Variants in UNC5C observed in about 807,000 individuals in gnomAD.
The protein encoded by UNC5C is unc-5 netrin receptor C.
A neutral mutation model predicts 99.8 loss-of-function variants in UNC5C; 47 were observed. That is an observed-to-expected ratio of 0.47 (90% CI 0.37 to 0.60). UNC5C has a LOEUF of 0.60. Among genes scored for constraint, UNC5C ranks in the 20% least tolerant of loss-of-function variants. The pLI is 0.00. For synonymous variants in UNC5C, 487 were observed against 452.2 expected, an observed-to-expected ratio of 1.08 and a Z score of -0.98; for missense variants, 1,062 against 1,165.9, an observed-to-expected ratio of 0.91 and a Z score of 1.30.
intron 1 of UNC5C, among the ~76,000 whole-genome samples, chr4:95,398,044 C>CTTTTTTTTTT (rs34609153): frequency 0.013 from 1,277 of 95,652 alleles, 119 homozygotes; most frequent in African/African-American, 0.053. Flanking sequence ...CCAAATGTAG[C>CTTTTTTTTTT]TTTTTTTTTT....
intron 1 of UNC5C, among the ~76,000 whole-genome samples, chr4:95,426,020 C>G (rs1449508636): frequency 2.0e-5 from 3 of 152,120 alleles, no homozygotes; most frequent in Non-Finnish European, 4.4e-5. Context: ...TAGAAATAGG[C>G]ATACTTGATT....
At chr4:95,392,012 G>C (rs1046790147) in intron 1 of UNC5C, among the ~76,000 whole-genome samples, 1 of 152,114 alleles carries the variant, frequency 6.6e-6, no homozygotes, top group Non-Finnish European at 1.5e-5. Context: ...AGCTGTGTTC[G>C]TGCCATTGCA....
chr4:95,163,041 A>G lies in UNC5C; in HGVS notation c.*6193T>C, dbSNP rs1055468012. The G allele has an allele frequency of 6.6e-6, 1 of 152,228 alleles. No homozygotes were observed. The highest frequency in any genetic ancestry group is 1.5e-5 in the Non-Finnish European group (1 of 68,048). 9.4% of individuals were successfully genotyped at this position (152,228 alleles called of 1,614,324 possible). On this transcript the variant is annotated 3_prime_UTR_variant, in exon 16 of 16. Coordinates refer to ENST00000453304, the MANE Select transcript of UNC5C (RefSeq NM_003728.4). ...CAGCTCAACATTAAACTCAACACAT[A>G]TAACACCATGACATCACACACACAC...
intron 2 of UNC5C, among the ~76,000 whole-genome samples, chr4:95,327,225 A>G (rs1033310989): frequency 5.9e-5 from 9 of 152,282 alleles, no homozygotes; most frequent in South Asian, 2.1e-4. Context: ...CTTTATTTCA[A>G]TTGCATTCAC....
At chr4:95,178,641 A>G (rs1736471123) in intron 14 of UNC5C, among the ~76,000 whole-genome samples, 1 of 152,226 alleles carries the variant, frequency 6.6e-6, no homozygotes, top group African/African-American at 2.4e-5. Context: ...CCCATAGACT[A>G]GGGTGTTGAG....
chr4:95,375,230 A>G (rs1287313993), intron 1 of UNC5C, among the ~76,000 whole-genome samples: 2 of 152,166 alleles, frequency 1.3e-5, no homozygotes, highest in Non-Finnish European at 2.9e-5. Flanking sequence ...CAGAATCACC[A>G]TAAAAATGAA....
At chr4:95,197,300 CTGGGCTTCT>C (rs1270300559) in intron 12 of UNC5C, among the ~76,000 whole-genome samples, 1 of 151,772 alleles carries the variant, frequency 6.6e-6, no homozygotes, top group Non-Finnish European at 1.5e-5. Flanking sequence ...AAGTACTCCA[CTGGGCTTCT>C]ATCTCTGCCC....
chr4:95,440,738 A>G (rs1746926918), intron 1 of UNC5C, among the ~76,000 whole-genome samples: 2 of 152,322 alleles, frequency 1.3e-5, no homozygotes, highest in South Asian at 4.1e-4. Flanking sequence ...CTTGAATAAC[A>G]TTTGGCCATG....
chr4:95,370,726 G>A (rs2149438541), intron 1 of UNC5C, among the ~76,000 whole-genome samples: 1 of 152,326 alleles, frequency 6.6e-6, no homozygotes, highest in Admixed American at 6.5e-5. Flanking sequence ...CATTGTGGGT[G>A]ACTCCATGTA....
Position 95,512,081 on chromosome 4 carries a change from G to A in UNC5C, c.124+36653C>T, listed in dbSNP as rs150678486. Among the ~76,000 whole-genome samples the A allele has an allele frequency of 4.7e-3, 709 of 152,210 alleles. 8 individuals carry two copies. The highest frequency in any genetic ancestry group is 0.016 in the African/African-American group (657 of 41,552). On this transcript the variant is annotated intron_variant, in intron 1 of 15. Transcript: ENST00000453304. ...ATATGGAAATGAAAATGGGTCTGGA[G>A]AAGGAGGCAGGAGGCAGGAGCGAGA...
intron 1 of UNC5C, among the ~76,000 whole-genome samples, chr4:95,534,939 T>A (rs1301593311): frequency 6.6e-6 from 1 of 152,166 alleles, no homozygotes; most frequent in African/African-American, 2.4e-5. Flanking sequence ...GTTAATTGTT[T>A]CTGTTCCTTT....
At chr4:95,186,983 C>T (rs1379335159) in intron 12 of UNC5C, among the ~76,000 whole-genome samples, 14 of 152,068 alleles carry the variant, frequency 9.2e-5, no homozygotes. Flanking sequence ...TGGCACACCC[C>T]ACTCCATGAC....
At position 95,456,116 on chromosome 4, in the gene UNC5C, G is replaced by T. The variant is rs371430538; in HGVS notation, c.124+92618C>A. On this transcript the variant is annotated intron_variant, in intron 1 of 15. Transcript: ENST00000453304. ...TATTGCTGAGTGGCTGCATGTAAAG[G>T]TACTCCCCTCAATTGTATCTTTCGT... Among the ~76,000 whole-genome samples, 24 of 152,004 alleles carry T rather than the reference G, an allele frequency of 1.6e-4. No individual in the cohort carries two copies. The Middle Eastern group carries it at 0.01, about 65-fold the overall frequency.
intron 8 of UNC5C, among the ~76,000 whole-genome samples, chr4:95,219,725 A>G (rs1738396486): frequency 6.6e-6 from 1 of 152,238 alleles, no homozygotes; most frequent in Non-Finnish European, 1.5e-5. Context: ...TCAAGAAATC[A>G]GTCAACCAAT....
chr4:95,364,060 T>A (rs966772262), intron 1 of UNC5C, among the ~76,000 whole-genome samples: 16 of 152,200 alleles, frequency 1.1e-4, no homozygotes, highest in Non-Finnish European at 2.1e-4. Context: ...AAATGACCCA[T>A]CTCAATGACT....
chr4:95,376,326 C>T (rs796105424), intron 1 of UNC5C, among the ~76,000 whole-genome samples: 1 of 151,836 alleles, frequency 6.6e-6, no homozygotes, highest in African/African-American at 2.4e-5. Context: ...ATACAGTAAT[C>T]CAGTTTCTAC....
rs150043553 is a variant in UNC5C, at chr4:95,507,913, G to A, written c.124+40821C>T. Among the ~76,000 whole-genome samples, 336 of 152,078 alleles carry A rather than the reference G, an allele frequency of 2.2e-3. 3 individuals are homozygous for A. Among genetic ancestry groups the A allele is most frequent in the Middle Eastern group, 0.017 (5 of 294 alleles). ...CTCCACTTCCCTGGATCAATGTGAA[G>A]CCATGAATTAAGTCAAATGTTTAGT... On this transcript the variant is annotated intron_variant, in intron 1 of 15. Coordinates refer to ENST00000453304, the MANE Select transcript of UNC5C (RefSeq NM_003728.4).
At chr4:95,170,813 T>G (rs2149343650) in intron 14 of UNC5C, among the ~76,000 whole-genome samples, 1 of 152,346 alleles carries the variant, frequency 6.6e-6, no homozygotes, top group South Asian at 2.1e-4. Context: ...GTAGTTCTGC[T>G]AAACTCCACA....
At chr4:95,351,829 A>G (rs1744001608) in intron 1 of UNC5C, among the ~76,000 whole-genome samples, 1 of 152,154 alleles carries the variant, frequency 6.6e-6, no homozygotes, top group Non-Finnish European at 1.5e-5. Context: ...TGAATGAGAA[A>G]TAAGATGACA....
Sources: allele counts gnomAD v4.1 joint callset (sites outside exome capture counted in the v4.1 genomes callset), GRCh38; gene constraint gnomAD v4.1.1; transcripts MANE v1.5; gene names NCBI Gene and HGNC (gene_info 2026-07-23, HGNC 2026-07-21).